Variants in SFMBT2 observed in about 807,000 individuals in gnomAD.
The protein encoded by SFMBT2 is Scm like with four mbt domains 2.
Under a neutral mutation model 110.1 loss-of-function variants are expected in SFMBT2, and 38 were observed. The observed-to-expected ratio is 0.35, with a 90% CI of 0.27 to 0.45. The LOEUF is 0.45. SFMBT2 is among the 20% of genes least tolerant of loss of function. SFMBT2 has a pLI of 1.00. For synonymous variants in SFMBT2, 425 were observed against 425.4 expected (o/e 1.00, Z 0.01); for missense variants, 1,011 against 1,094.9 (o/e 0.92, Z 1.08).
At chr10:7,362,598 T>C (rs1019620132) in intron 4 of SFMBT2, among the ~76,000 whole-genome samples, 1 of 152,196 alleles carries the variant, frequency 6.6e-6, no homozygotes, top group African/African-American at 2.4e-5. Flanking sequence ...AGGCATTCTC[T>C]CCCTTCCCCC....
At chr10:7,181,332 A>T in intron 16 of SFMBT2, among the ~76,000 whole-genome samples, 1 of 152,252 alleles carries the variant, frequency 6.6e-6, no homozygotes, top group East Asian at 1.9e-4. Flanking sequence ...TGTCAACATA[A>T]TATAAGTATA....
At chr10:7,348,370 T>C (rs1250538253) in intron 4 of SFMBT2, 2 of 1,476,474 alleles carry the variant, frequency 1.4e-6, no homozygotes, top group Non-Finnish European at 1.8e-6. Context: ...TTAATGGCTA[T>C]AACTTGCTCC....
At chr10:7,175,009 C>G (rs1379972917) in intron 17 of SFMBT2, among the ~76,000 whole-genome samples, 1 of 152,172 alleles carries the variant, frequency 6.6e-6, no homozygotes, top group Non-Finnish European at 1.5e-5. Flanking sequence ...CAAAGAAAGT[C>G]ACACTCTGCA....
At chr10:7,291,204 T>C (rs1217582963) in intron 4 of SFMBT2, among the ~76,000 whole-genome samples, 2 of 152,154 alleles carry the variant, frequency 1.3e-5, no homozygotes, top group African/African-American at 4.8e-5. Flanking sequence ...CTCTGAGAGA[T>C]GGGGAGAGTA....
At chr10:7,271,436 G>A (rs1841579258) in intron 7 of SFMBT2, among the ~76,000 whole-genome samples, 1 of 152,122 alleles carries the variant, frequency 6.6e-6, no homozygotes, top group African/African-American at 2.4e-5. Context: ...CACAGTCCTT[G>A]CCTTCCTGGA....
chr10:7,405,828 C>T (rs975956271), intron 1 of SFMBT2, among the ~76,000 whole-genome samples: 2 of 124,838 alleles, frequency 1.6e-5, no homozygotes, highest in South Asian at 6.6e-4. Flanking sequence ...CGATTCCCCC[C>T]CCGACCCCCG....
chr10:7,242,126 GC>G (rs1401459614), intron 9 of SFMBT2, among the ~76,000 whole-genome samples: 1 of 152,162 alleles, frequency 6.6e-6, no homozygotes, highest in Non-Finnish European at 1.5e-5. Flanking sequence ...TTCCACAGCA[GC>G]GAAGGACTTC....
rs1838167536 is a variant in SFMBT2 at position 7,179,340 on chromosome 10, T to TCCAGGACCCACC, written c.1809-3176_1809-3175insGGTGGGTCCTGG. On this transcript the variant is annotated intron_variant, in intron 16 of 20. Transcript: ENST00000397167. ...CCTCTCCGTGCCTTTGAAGAGGGAC[T>TCCAGGACCCACC]CCAGGACCCACGTTGGGGCGGTTCT... is the stretch of plus-strand genomic sequence containing the variant. 3.1e-5 allele frequency among the ~76,000 whole-genome samples: 4 copies of TCCAGGACCCACC among 127,714 alleles called. No homozygotes were observed. In the Admixed American group the frequency reaches 3.9e-4, roughly 12 times the overall value. The allele number at this position is 127,714 out of a possible 152,430, so 83.8% of individuals were successfully genotyped here.
intron 4 of SFMBT2, among the ~76,000 whole-genome samples, chr10:7,353,501 A>AG (rs964829496): frequency 6.6e-6 from 1 of 151,954 alleles, no homozygotes; most frequent in Non-Finnish European, 1.5e-5. Flanking sequence ...AAGAAAAAAA[A>AG]AAAAAACATC....
intron 16 of SFMBT2, among the ~76,000 whole-genome samples, chr10:7,184,343 T>C (rs7894481): frequency 0.31 from 47,699 of 151,922 alleles, 8,460 homozygotes; most frequent in South Asian, 0.54. Context: ...TCTCACAAGA[T>C]CTGATGGTTT....
chr10:7,290,000 T>C (rs1842215381), intron 4 of SFMBT2, among the ~76,000 whole-genome samples: 1 of 152,172 alleles, frequency 6.6e-6, no homozygotes, highest in Admixed American at 6.5e-5. Context: ...CTCAGCACTC[T>C]CAGCTGTAAG....
chr10:7,206,115 A>G, intron 11 of SFMBT2, 187 bp from the exon 12 acceptor site: 1 of 985,458 alleles, frequency 1.0e-6, no homozygotes. Context: ...CTTATCAGAG[A>G]CAAAACTCCT....
At chr10:7,344,603 A>G (rs1398291199) in intron 4 of SFMBT2, among the ~76,000 whole-genome samples, 1 of 152,082 alleles carries the variant, frequency 6.6e-6, no homozygotes, top group African/African-American at 2.4e-5. Context: ...TAATACAACC[A>G]CCATGCAAGA....
chr10:7,208,337 C>T (rs148721058), intron 11 of SFMBT2, among the ~76,000 whole-genome samples: 1 of 152,294 alleles, frequency 6.6e-6, no homozygotes, highest in African/African-American at 2.4e-5. Context: ...TTAGATTCCT[C>T]TACTAAATAT....
At chr10:7,232,512 A>T (rs1840133677) in intron 9 of SFMBT2, among the ~76,000 whole-genome samples, 1 of 152,224 alleles carries the variant, frequency 6.6e-6, no homozygotes, top group South Asian at 2.1e-4. Flanking sequence ...AATGCCACAC[A>T]GGCATGAAAC....
intron 8 of SFMBT2, among the ~76,000 whole-genome samples, chr10:7,245,222 A>G (rs1840569056): frequency 6.6e-6 from 1 of 152,044 alleles, no homozygotes; most frequent in Non-Finnish European, 1.5e-5. Context: ...TTACTTATTG[A>G]TTCTGTTTAT....
At chr10:7,365,038 T>C (rs1275220091) in intron 4 of SFMBT2, among the ~76,000 whole-genome samples, 2 of 152,220 alleles carry the variant, frequency 1.3e-5, no homozygotes, top group Admixed American at 6.5e-5. Context: ...AAGGCAGATC[T>C]AACAATCTCC....
At chr10:7,164,504 G>A in intron 20 of SFMBT2, 1 of 938,650 alleles carries the variant, frequency 1.1e-6, no homozygotes, top group Non-Finnish European at 1.3e-6. Context: ...GTGGGTTGCT[G>A]CGGGAATTGC....
chr10:7,358,416 C>G (rs2132029972), intron 4 of SFMBT2, among the ~76,000 whole-genome samples: 1 of 151,962 alleles, frequency 6.6e-6, no homozygotes, highest in East Asian at 1.9e-4. Flanking sequence ...ATCAACATGG[C>G]CCTAGAACAT....
Sources: gnomAD v4.1 joint callset for allele counts (sites outside exome capture counted in the v4.1 genomes callset) on GRCh38, gnomAD v4.1.1 for gene constraint, MANE v1.5 for transcripts, NCBI Gene and HGNC (gene_info 2026-07-23, HGNC 2026-07-21) for gene names.